Variants in UBE2W observed in about 807,000 individuals in gnomAD.
UBE2W encodes the protein ubiquitin conjugating enzyme E2 W.
A neutral mutation model predicts 27.2 loss-of-function variants in UBE2W; 18 were observed. That is an observed-to-expected ratio of 0.66 (90% confidence interval 0.46 to 0.98). The LOEUF (loss-of-function observed/expected upper bound fraction) is 0.98, where lower values mean the gene tolerates loss of function less well. UBE2W is among the 50% of genes least tolerant of loss of function. The pLI is 0.00. For missense variants in UBE2W, 90 were observed against 180.2 expected (o/e 0.50, Z 2.87); for synonymous variants, 53 against 57.2 (o/e 0.93, Z 0.33).
chr8:73,864,805 G>A (rs528762863), intron 1 of UBE2W, among the ~76,000 whole-genome samples: 14 of 149,110 alleles, frequency 9.4e-5, no homozygotes, highest in South Asian at 2.1e-4. Context: ...ATGAGGTTTC[G>A]TCATGTTGAA....
intron 1 of UBE2W, among the ~76,000 whole-genome samples, chr8:73,833,033 A>G (rs542606385): frequency 1.2e-4 from 19 of 152,174 alleles, no homozygotes; most frequent in Admixed American, 1.2e-3. Context: ...AATACTAAAA[A>G]AATTAGCCAG....
intron 5 of UBE2W, among the ~76,000 whole-genome samples, chr8:73,804,957 A>G (rs1808811364): frequency 6.6e-6 from 1 of 151,562 alleles, no homozygotes; most frequent in African/African-American, 2.4e-5. Context: ...TCCTGACCTC[A>G]AGTGATCTGC....
At chr8:73,805,177 G>A (rs1808823540) in intron 5 of UBE2W, among the ~76,000 whole-genome samples, 1 of 150,970 alleles carries the variant, frequency 6.6e-6, no homozygotes. Flanking sequence ...TGTAGTGCTG[G>A]GCGTGGTGGC....
chr8:73,830,485 A>T lies in UBE2W; in HGVS notation c.16-13T>A. The T allele has an allele frequency of 1.2e-6, 2 of 1,609,126 alleles. No individual in the cohort carries two copies. The highest frequency in any genetic ancestry group is 1.7e-6 in the Non-Finnish European group (2 of 1,175,508). ...TCTGTAGTCGTTTCTAGAAAAGAAC[A>T]TCAATAATAATTTGTCCTTTTTGAG... On this transcript the variant is annotated splice_polypyrimidine_tract_variant and intron_variant, in intron 1 of 5. Transcript: ENST00000602593.
At chr8:73,864,810 G>A (rs1457803161) in intron 1 of UBE2W, among the ~76,000 whole-genome samples, 8 of 149,316 alleles carry the variant, frequency 5.4e-5, no homozygotes, top group Non-Finnish European at 1.2e-4. Flanking sequence ...GTTTCGTCAT[G>A]TTGAAGCTGG....
chr8:73,789,961 C>T lies in UBE2W; in HGVS notation c.*4141G>A, dbSNP rs1472071807. 6.1e-6 allele frequency: 6 copies of T among 983,934 alleles called. No individual in the cohort carries two copies. The highest frequency in any genetic ancestry group is 1.8e-5 in the African/African-American group (1 of 57,046). 61.0% of individuals were successfully genotyped at this position (983,934 alleles called of 1,614,324 possible). A position where few individuals can be genotyped will look rare whatever the true frequency, so the allele number is the denominator to read the frequency against. ...ATTTGGCTTTGGGAGAGTCCTCATC[C>T]GAAAATAACAAAATTTCCTTAATAT... On this transcript the variant is annotated 3_prime_UTR_variant, in exon 6 of 6. Transcript: ENST00000602593.
In UBE2W at chr8:73,789,082, C is replaced by A. The variant is rs1054015179; in HGVS notation, c.*5020G>T. On this transcript the variant is annotated 3_prime_UTR_variant, in exon 6 of 6. Transcript: ENST00000602593. ...TAACATCTCACCAGGATCAAAGAACCCTAACTTCAACTTTCAGGATAGAGA... is the reference window on the plus strand; with the variant it reads ...TAACATCTCACCAGGATCAAAGAACACTAACTTCAACTTTCAGGATAGAGA... 4.1e-6 allele frequency: 4 copies of A among 984,438 alleles called. No individual in the cohort carries two copies. The highest frequency in any genetic ancestry group is 4.8e-6 in the Non-Finnish European group (4 of 829,742). 61.0% of individuals were successfully genotyped at this position (984,438 alleles called of 1,614,324 possible). A position where few individuals can be genotyped will look rare whatever the true frequency, so the allele number is the denominator to read the frequency against.
chr8:73,872,013 C>T (rs924061862), intron 1 of UBE2W, among the ~76,000 whole-genome samples: 4 of 152,058 alleles, frequency 2.6e-5, no homozygotes, highest in African/African-American at 9.7e-5. Context: ...CCCACCTCAG[C>T]CCCCCAAGTA....
chr8:73,866,599 G>A (rs1281110619), intron 1 of UBE2W, among the ~76,000 whole-genome samples: 5 of 151,508 alleles, frequency 3.3e-5, no homozygotes, highest in Admixed American at 3.3e-4. Flanking sequence ...TTATATTTTT[G>A]GAAAAAAACT....
intron 3 of UBE2W, among the ~76,000 whole-genome samples, chr8:73,821,693 A>G (rs1809622431): frequency 6.6e-6 from 1 of 152,086 alleles, no homozygotes; most frequent in Non-Finnish European, 1.5e-5. Flanking sequence ...AATGGTTCAA[A>G]TAAAAGATAA....
chr8:73,870,105 T>C (rs905957350), intron 1 of UBE2W, among the ~76,000 whole-genome samples: 10 of 152,238 alleles, frequency 6.6e-5, no homozygotes, highest in African/African-American at 2.4e-4. Context: ...TAAAAACCAC[T>C]GAACTGTATA....
chr8:73,804,472 TATC>T (rs1808784178), intron 5 of UBE2W, among the ~76,000 whole-genome samples: 1 of 152,102 alleles, frequency 6.6e-6, no homozygotes, highest in Non-Finnish European at 1.5e-5. Flanking sequence ...AGCTCTGAAT[TATC>T]ATTACCATCC....
chr8:73,844,995 C>T (rs1179262121), intron 1 of UBE2W, among the ~76,000 whole-genome samples: 1 of 76,964 alleles, frequency 1.3e-5, no homozygotes, highest in South Asian at 4.7e-4. Flanking sequence ...GCCCTGCAGC[C>T]GCCCCGTCCA....
At chr8:73,849,601 A>G (rs1302639178) in intron 1 of UBE2W, among the ~76,000 whole-genome samples, 3 of 151,594 alleles carry the variant, frequency 2.0e-5, no homozygotes, top group African/African-American at 7.3e-5. Flanking sequence ...ACTGAAAAAG[A>G]ACTCAATCCA....
rs1222473687 is a variant in UBE2W, at chr8:73,788,803, T to C, written c.*5299A>G. On this transcript the variant is annotated 3_prime_UTR_variant, in exon 6 of 6. Transcript: ENST00000602593. The stretch of plus-strand genomic sequence containing the variant: ...TTTCTCAAAACCCAGAGAGTGTATG[T>C]GCCAAGGACTAGAACAAGAATTGGA... The C allele has an allele frequency of 9.1e-6, 9 of 985,224 alleles. No individual in the cohort carries two copies. The highest frequency in any genetic ancestry group is 3.5e-5 in the African/African-American group (2 of 57,204). The allele number at this position is 985,224 out of a possible 1,614,324, so 61.0% of individuals were successfully genotyped here. A position where few individuals can be genotyped will look rare whatever the true frequency, so the allele number is the denominator to read the frequency against.
chr8:73,825,285 A>G, intron 2 of UBE2W, 36 bp from the exon 3 acceptor site: 1 of 1,450,810 alleles, frequency 6.9e-7, no homozygotes, highest in Non-Finnish European at 9.4e-7. Context: ...ACTTAAGATA[A>G]TAGAGACTGG....
intron 1 of UBE2W, among the ~76,000 whole-genome samples, chr8:73,855,567 A>G (rs1416732031): frequency 6.6e-6 from 1 of 151,720 alleles, no homozygotes; most frequent in Non-Finnish European, 1.5e-5. Flanking sequence ...ACACCCAGCT[A>G]ATTTTTTTTG....
At chr8:73,821,818 T>C (rs778338273) in intron 3 of UBE2W, among the ~76,000 whole-genome samples, 1 of 152,012 alleles carries the variant, frequency 6.6e-6, no homozygotes, top group African/African-American at 2.4e-5. Flanking sequence ...CTGGGCAACA[T>C]GGCAAGACCC....
At chr8:73,786,159 C>A, downstream of UBE2W, 1 of 933,668 alleles carries the variant, frequency 1.1e-6, no homozygotes, top group Non-Finnish European at 1.3e-6. Context: ...TAATTTGTGA[C>A]AAGCAATTTG....
Sources: allele counts gnomAD v4.1 joint callset (sites outside exome capture counted in the v4.1 genomes callset), GRCh38; gene constraint gnomAD v4.1.1; transcripts MANE v1.5; gene names NCBI Gene and HGNC (gene_info 2026-07-23, HGNC 2026-07-21).